Variants in COL4A6 observed in about 807,000 individuals in gnomAD.
COL4A6 encodes the protein collagen alpha-6(IV) chain.
A neutral mutation model predicts 126.7 loss-of-function variants in COL4A6; 59 were observed. The ratio of observed to expected loss-of-function variants is 0.47; its 90% CI spans 0.38 to 0.58. The LOEUF (loss-of-function observed/expected upper bound fraction) is 0.58, where lower values mean the gene tolerates loss of function less well. Among genes scored for constraint, COL4A6 ranks in the 20% least tolerant of loss-of-function variants. The pLI is 0.00. For synonymous variants in COL4A6, 547 were observed against 496.6 expected, an observed-to-expected ratio of 1.10 and a Z score of -1.35; for missense variants, 1,285 against 1,337.3, an observed-to-expected ratio of 0.96 and a Z score of 0.61.
At chrX:108,172,648 G>T (rs2034349932) in intron 31 of COL4A6, 116 bp from the exon 32 acceptor site, 2 of 546,350 alleles carry the variant, frequency 3.7e-6, no homozygotes, top group South Asian at 4.8e-5. Flanking sequence ...GTATTCTGTG[G>T]CAAGGGTGGA....
intron 23 of COL4A6, among the ~76,000 whole-genome samples, chrX:108,181,973 A>G (rs2034699882): frequency 1.8e-5 from 2 of 112,601 alleles, no homozygotes; most frequent in African/African-American, 6.5e-5. Flanking sequence ...TCTGAAAAAT[A>G]TGTACACATC....
intron 2 of COL4A6, among the ~76,000 whole-genome samples, chrX:108,394,406 C>A (rs2040917015): frequency 9.1e-6 from 1 of 109,583 alleles, no homozygotes; most frequent in Admixed American, 9.8e-5. Context: ...CACATGTACC[C>A]CAGAACTTAA....
intron 2 of COL4A6, among the ~76,000 whole-genome samples, chrX:108,337,442 G>T (rs956616309): frequency 3.5e-5 from 4 of 112,737 alleles, no homozygotes; most frequent in Non-Finnish European, 5.6e-5. Flanking sequence ...CACTCCATCA[G>T]AAAGGAAACA....
intron 3 of COL4A6, among the ~76,000 whole-genome samples, chrX:108,272,603 A>C (rs7876492): frequency 0.03 from 3,318 of 111,622 alleles, 116 homozygotes; most frequent in African/African-American, 0.1. Context: ...AACCAACAAA[A>C]CAAACAACAA....
chrX:108,337,140 G>A (rs887340879), intron 2 of COL4A6, among the ~76,000 whole-genome samples: 1 of 111,714 alleles, frequency 9.0e-6, no homozygotes, highest in Non-Finnish European at 1.9e-5. Flanking sequence ...TCAGACCAGT[G>A]TCCTTTCTAT....
At chrX:108,283,589 G>T (rs1192051446) in intron 3 of COL4A6, among the ~76,000 whole-genome samples, 4 of 3,995 alleles carry the variant, frequency 1.0e-3, no homozygotes, top group African/African-American at 1.3e-3. Context: ...TTTTTTTTTT[G>T]GGGGGGGGTT....
At chrX:108,317,679 T>A (rs1443095145) in intron 2 of COL4A6, among the ~76,000 whole-genome samples, 1 of 111,453 alleles carries the variant, frequency 9.0e-6, no homozygotes, top group Admixed American at 9.5e-5. Context: ...ATTTATTAAA[T>A]AGGGAATCCT....
At chrX:108,213,318 T>C (rs1439096124) in intron 6 of COL4A6, among the ~76,000 whole-genome samples, 1 of 112,458 alleles carries the variant, frequency 8.9e-6, no homozygotes, top group Non-Finnish European at 1.9e-5. Flanking sequence ...GAGTCTGAAA[T>C]GTGTTATTTT....
intron 2 of COL4A6, among the ~76,000 whole-genome samples, chrX:108,389,883 T>C (rs999864132): frequency 2.7e-5 from 3 of 111,729 alleles, no homozygotes; most frequent in African/African-American, 9.8e-5. Flanking sequence ...TTCCTTTCCA[T>C]GTTTACTGCT....
At chrX:108,386,499 G>T (rs1167632677) in intron 2 of COL4A6, among the ~76,000 whole-genome samples, 1 of 111,988 alleles carries the variant, frequency 8.9e-6, no homozygotes, top group African/African-American at 3.2e-5. Context: ...CCATACATTT[G>T]TTGGCTGCAT....
intron 2 of COL4A6, among the ~76,000 whole-genome samples, chrX:108,334,045 A>G (rs1322392659): frequency 8.9e-6 from 1 of 111,781 alleles, no homozygotes; most frequent in African/African-American, 3.2e-5. Context: ...AGAAAAAAAC[A>G]ATTCTAAAAT....
chrX:108,220,219 A>G (rs2035980760), intron 4 of COL4A6, among the ~76,000 whole-genome samples: 1 of 112,245 alleles, frequency 8.9e-6, no homozygotes, highest in Non-Finnish European at 1.9e-5. Flanking sequence ...TTCAGGAACC[A>G]GGGGCACCCT....
At chrX:108,355,416 G>A (rs2039938733) in intron 2 of COL4A6, among the ~76,000 whole-genome samples, 1 of 112,549 alleles carries the variant, frequency 8.9e-6, no homozygotes, top group South Asian at 3.7e-4. Flanking sequence ...TTCAGAAAAT[G>A]GAATCACAGT....
chrX:108,239,728 C>G, intron 3 of COL4A6, among the ~76,000 whole-genome samples: 2 of 111,665 alleles, frequency 1.8e-5, no homozygotes, highest in Middle Eastern at 9.2e-3. Flanking sequence ...TTTCTGAGCT[C>G]TATATTCTAT....
Position 108,157,055 on chromosome X carries a change from G to C in COL4A6, c.5018C>G (p.Ala1673Gly), listed in dbSNP as rs768884286. 3.3e-6 allele frequency: 4 copies of C among 1,211,880 alleles called. No homozygotes were observed. Among genetic ancestry groups the C allele is most frequent in the Non-Finnish European group, 4.5e-6 (4 of 895,520 alleles). Residue 1673 changes from alanine (A) to glycine (G), a missense_variant, in exon 45 of 45, where the codon GCT becomes GGT. Ala to Gly is a moderately conservative substitution (Grantham distance 60). Coordinates refer to ENST00000334504, the MANE Select transcript of COL4A6 (RefSeq NM_033641.4). ...ACTGACTCGAGTGTGGAGCTGCCCAGCTTTCAGCGTTTCAGACACAGGCAA... is the reference window on the plus strand; with the variant it reads ...ACTGACTCGAGTGTGGAGCTGCCCACCTTTCAGCGTTTCAGACACAGGCAA... ...GELPVSETLKAGQLHTRVSRC... is the reference protein window; with the variant it reads ...GELPVSETLKGGQLHTRVSRC...
At chrX:108,221,845 A>G (rs2036026602) in intron 3 of COL4A6, among the ~76,000 whole-genome samples, 1 of 112,697 alleles carries the variant, frequency 8.9e-6, no homozygotes, top group Non-Finnish European at 1.9e-5. Flanking sequence ...GTGGGCCCAG[A>G]AACCTACAGG....
intron 39 of COL4A6, 75 bp downstream of exon 39, chrX:108,164,802 C>T: frequency 8.4e-7 from 1 of 1,187,379 alleles, no homozygotes; most frequent in Non-Finnish European, 1.1e-6. Flanking sequence ...CCACCGGCCT[C>T]TCTTCACAGG....
intron 2 of COL4A6, among the ~76,000 whole-genome samples, chrX:108,358,045 T>G (rs1265529507): frequency 2.7e-5 from 3 of 111,714 alleles, no homozygotes; most frequent in Non-Finnish European, 5.6e-5. Context: ...TCATTAGCCC[T>G]CAGGCTTCCC....
At position 108,164,916 on chromosome X, in the gene COL4A6, G is replaced by A. The variant is rs1189853292; in HGVS notation, c.3931C>T (p.Pro1311Ser). ...PKGPKGDQGI[P>S]GFSGLPGELG... ...TCTCCAGGGAGGCCAGAAAAACCTG[G>A]AATTCCTTGGTCTCCCTTAGGCCCT... Residue 1311 changes from proline to serine, a missense_variant, in exon 39 of 45, where the codon CCA becomes TCA. Transcript: ENST00000334504. 3 of 1,207,869 alleles carry A rather than the reference G, an allele frequency of 2.5e-6. No homozygotes were observed. The highest frequency in any genetic ancestry group is 3.0e-5 in the East Asian group (1 of 33,744).
Sources: gnomAD v4.1 joint callset for allele counts (sites outside exome capture counted in the v4.1 genomes callset) on GRCh38, gnomAD v4.1.1 for gene constraint, MANE v1.5 for transcripts, NCBI Gene and HGNC (gene_info 2026-07-23, HGNC 2026-07-21) for gene names.